GTF2A1: variants seen among roughly 807,000 people sequenced by gnomAD.
GTF2A1 encodes transcription initiation factor IIA subunit 1.
GTF2A1 carries 12 observed loss-of-function variants against 54.1 expected under a neutral mutation model. The ratio of observed to expected loss-of-function variants is 0.22; its 90% CI spans 0.14 to 0.36. GTF2A1 has a LOEUF of 0.36. Ranked by LOEUF, GTF2A1 falls within the 10% of genes least tolerant of loss-of-function variation. The pLI is 1.00. For missense variants in GTF2A1, 335 were observed against 442.2 expected (o/e 0.76, Z 2.17); for synonymous variants, 145 against 152.0 (o/e 0.95, Z 0.34).
chr14:81,189,532 G>A (rs952865651), intron 7 of GTF2A1, among the ~76,000 whole-genome samples: 11 of 151,940 alleles, frequency 7.2e-5, no homozygotes, highest in Non-Finnish European at 1.2e-4. Context: ...TTAGCCGGGC[G>A]AGGTGGCGGG....
chr14:81,190,146 A>G (rs985638861), intron 7 of GTF2A1, among the ~76,000 whole-genome samples: 7 of 152,172 alleles, frequency 4.6e-5, no homozygotes, highest in African/African-American at 7.2e-5. Context: ...CTAGAAAAAT[A>G]TAACTTATCA....
chr14:81,214,383 T>A (rs1280043029), intron 2 of GTF2A1, among the ~76,000 whole-genome samples: 1 of 152,076 alleles, frequency 6.6e-6, no homozygotes, highest in Non-Finnish European at 1.5e-5. Flanking sequence ...CGGTGGCTCA[T>A]GTCTGTAATC....
At chr14:81,207,208 T>C (rs1893256532) in intron 2 of GTF2A1, among the ~76,000 whole-genome samples, 2 of 151,844 alleles carry the variant, frequency 1.3e-5, no homozygotes, top group Admixed American at 6.6e-5. Flanking sequence ...GGTTTGGCTG[T>C]ATTCCCAACA....
intron 3 of GTF2A1, chr14:81,202,682 C>T (rs890073795): frequency 9.7e-6 from 5 of 517,456 alleles, no homozygotes; most frequent in Admixed American, 2.0e-5. Context: ...GTTACTTAAG[C>T]GTAAAAGGAA....
intron 4 of GTF2A1, among the ~76,000 whole-genome samples, chr14:81,197,958 T>C (rs1314240484): frequency 6.6e-6 from 1 of 152,216 alleles, no homozygotes; most frequent in African/African-American, 2.4e-5. Flanking sequence ...CTTTTTAGAA[T>C]TCTTAACTTT....
chr14:81,211,293 A>T (rs1230800867), intron 2 of GTF2A1, among the ~76,000 whole-genome samples: 3 of 152,160 alleles, frequency 2.0e-5, no homozygotes, highest in Non-Finnish European at 2.9e-5. Context: ...CCTAGTCTCT[A>T]AACTAGACTG....
intron 7 of GTF2A1, among the ~76,000 whole-genome samples, chr14:81,192,033 AG>A (rs1207691389): frequency 1.3e-5 from 2 of 152,194 alleles, no homozygotes; most frequent in Admixed American, 6.5e-5. Context: ...ACAGACATTA[AG>A]GGTACATAGG....
intron 4 of GTF2A1, among the ~76,000 whole-genome samples, chr14:81,199,165 T>C (rs1893051433): frequency 6.6e-6 from 1 of 152,138 alleles, no homozygotes. Flanking sequence ...ATAATTCATA[T>C]TTTGAAAGAC....
Position 81,196,092 on chromosome 14 carries a change from TAGA to T in GTF2A1, c.612+13_612+15del, listed in dbSNP as rs748209335. On this transcript the variant is annotated intron_variant, in intron 6 of 8. Coordinates refer to ENST00000553612, the MANE Select transcript of GTF2A1 (RefSeq NM_015859.4). ...AAACAGAACCCCATACTGATCATAA[TAGA>T]AGATTATTTTACCTGCTGTATAACA... 65 of 1,610,032 alleles carry T rather than the reference TAGA, an allele frequency of 4.0e-5. 1 individual carries two copies. In the African/African-American group the frequency reaches 7.6e-4, roughly 19 times the overall value.
At chr14:81,218,623 T>C (rs1170594015) in intron 1 of GTF2A1, among the ~76,000 whole-genome samples, 1 of 152,102 alleles carries the variant, frequency 6.6e-6, no homozygotes, top group African/African-American at 2.4e-5. Context: ...AAAAAACAGG[T>C]TATTTCAAAC....
chr14:81,208,015 A>G (rs994882068), intron 2 of GTF2A1, among the ~76,000 whole-genome samples: 3 of 150,544 alleles, frequency 2.0e-5, no homozygotes, highest in African/African-American at 7.5e-5. Flanking sequence ...AGAAAAAGCC[A>G]TTTTTTGAGG....
intron 7 of GTF2A1, among the ~76,000 whole-genome samples, chr14:81,186,094 AC>A (rs3214571): frequency 0.77 from 117,677 of 152,140 alleles, 46,336 homozygotes; most frequent in African/African-American, 0.89. Context: ...CTCGTGATCC[AC>A]CCCGCCTAGG....
intron 7 of GTF2A1, among the ~76,000 whole-genome samples, chr14:81,191,943 G>C (rs963782956): frequency 5.3e-5 from 8 of 152,168 alleles, no homozygotes; most frequent in African/African-American, 1.7e-4. Context: ...ATTGTGGTGG[G>C]ACAAATAGTT....
At chr14:81,193,286 C>G (rs963529980) in intron 6 of GTF2A1, among the ~76,000 whole-genome samples, 5 of 151,946 alleles carry the variant, frequency 3.3e-5, no homozygotes, top group African/African-American at 9.7e-5. Flanking sequence ...CCCACCTCAG[C>G]CTCCTGAGTA....
At chr14:81,190,192 C>A in intron 7 of GTF2A1, among the ~76,000 whole-genome samples, 1 of 151,040 alleles carries the variant, frequency 6.6e-6, no homozygotes, top group African/African-American at 2.4e-5. Context: ...ACTTGAAGGG[C>A]ATGAGATTAC....
rs1893177026 is a variant in GTF2A1, at chr14:81,204,118, C to A, written c.133-14G>T. ...GTTTTCCCATAACTAAGGCAAAGAACATTAAAGATTTCTAAGTGAAAAATA... is the reference window on the plus strand; with the variant it reads ...GTTTTCCCATAACTAAGGCAAAGAAAATTAAAGATTTCTAAGTGAAAAATA... On this transcript the variant is annotated splice_polypyrimidine_tract_variant and intron_variant, in intron 2 of 8. Coordinates refer to ENST00000553612, the MANE Select transcript of GTF2A1 (RefSeq NM_015859.4). The A allele has an allele frequency of 6.4e-7, 1 of 1,550,416 alleles. No homozygotes were observed.
Position 81,178,144 on chromosome 14 carries a change from A to C in GTF2A1, c.*2079T>G, listed in dbSNP as rs181920300. 10 of 152,284 alleles carry C rather than the reference A, an allele frequency of 6.6e-5. No homozygotes were observed. The highest frequency in any genetic ancestry group is 2.2e-4 in the African/African-American group (9 of 41,576). 9.4% of individuals were successfully genotyped at this position (152,284 alleles called of 1,614,324 possible). ...GAATGTTTGTCTACATAGAGGGCCC[A>C]AGACAAGCTGAATATCATACAGTAA... On this transcript the variant is annotated 3_prime_UTR_variant, in exon 9 of 9. Transcript: ENST00000553612.
chr14:81,192,937 A>G (rs909307611), intron 6 of GTF2A1, 98 bp from the exon 7 acceptor site: 9 of 730,952 alleles, frequency 1.2e-5, no homozygotes, highest in Admixed American at 4.9e-5. Context: ...CAGAATGGCC[A>G]TATTTCATAC....
Position 81,180,179 on chromosome 14 carries a change from T to A in GTF2A1, c.*44A>T. 1.2e-6 allele frequency: 1 copy of A among 834,232 alleles called. No homozygotes were observed. Among genetic ancestry groups the A allele is most frequent in the Non-Finnish European group, 1.9e-6 (1 of 512,970 alleles). The allele number at this position is 834,232 out of a possible 1,614,324, so 51.7% of individuals were successfully genotyped here. ...AAGTTTCAAACTGTCCGCTTTACAT[T>A]TTTTTTAAGTTTCTTTTATTTATAA... On this transcript the variant is annotated 3_prime_UTR_variant, in exon 9 of 9. Coordinates refer to ENST00000553612, the MANE Select transcript of GTF2A1 (RefSeq NM_015859.4).
Sources: gnomAD v4.1 joint callset for allele counts (sites outside exome capture counted in the v4.1 genomes callset) on GRCh38, gnomAD v4.1.1 for gene constraint, MANE v1.5 for transcripts, NCBI Gene and HGNC (gene_info 2026-07-23, HGNC 2026-07-21) for gene names.